GLIS3: variants seen among roughly 807,000 people sequenced by gnomAD.
GLIS3 encodes the protein zinc finger protein GLIS3.
Under a neutral mutation model 78.6 loss-of-function variants are expected in GLIS3, and 53 were observed. That is an observed-to-expected ratio of 0.67 (90% CI 0.54 to 0.85). The LOEUF (loss-of-function observed/expected upper bound fraction) is 0.85, where lower values mean the gene tolerates loss of function less well. Ranked by LOEUF, GLIS3 falls within the 40% of genes least tolerant of loss-of-function variation. The pLI, the probability that GLIS3 is intolerant of heterozygous loss-of-function variation, is 0.00. For synonymous variants in GLIS3, 684 were observed against 509.9 expected (o/e 1.34, Z -4.60); for missense variants, 1,703 against 1,231.1 (o/e 1.38, Z -5.74).
At chr9:4,389,142 G>A in the GLIS3 span, among the ~76,000 whole-genome samples, 2 of 152,172 alleles carry the variant, frequency 1.3e-5, no homozygotes, top group Admixed American at 6.5e-5. Flanking sequence ...TTAACTGACT[G>A]AATCATTAGG....
chr9:3,892,014 T>C (rs1822488433), intron 7 of GLIS3, among the ~76,000 whole-genome samples: 2 of 152,068 alleles, frequency 1.3e-5, no homozygotes, highest in South Asian at 2.1e-4. Context: ...AAAAGGACTT[T>C]CTCTACGTCC....
chr9:3,927,689 A>G (rs1825345764), intron 6 of GLIS3, among the ~76,000 whole-genome samples: 1 of 152,198 alleles, frequency 6.6e-6, no homozygotes, highest in Non-Finnish European at 1.5e-5. Flanking sequence ...GGTCACTTTC[A>G]TTGACAACCT....
intron 3 of GLIS3, 37 bp downstream of exon 3, chr9:4,125,697 A>C (rs1037285824): frequency 2.1e-6 from 3 of 1,455,124 alleles, no homozygotes; most frequent in Non-Finnish European, 1.9e-6. Flanking sequence ...GTGTGTTTAT[A>C]CCATAAAGAA....
At chr9:4,446,859 C>A in the GLIS3 span, among the ~76,000 whole-genome samples, 2 of 151,922 alleles carry the variant, frequency 1.3e-5, no homozygotes, top group East Asian at 3.9e-4. Flanking sequence ...GTGACCTCTG[C>A]TTCCTTCTTT....
At chr9:4,294,412 G>A (rs904244025) in intron 1 of GLIS3, among the ~76,000 whole-genome samples, 1 of 152,214 alleles carries the variant, frequency 6.6e-6, no homozygotes, top group East Asian at 1.9e-4. Context: ...GGGAGGCTGA[G>A]GCAGGAGAAT....
chr9:4,230,420 T>A (rs1822152543), intron 2 of GLIS3, among the ~76,000 whole-genome samples: 1 of 152,146 alleles, frequency 6.6e-6, no homozygotes, highest in Non-Finnish European at 1.5e-5. Context: ...AGCCAAAGAC[T>A]GAGGTAGGGC....
At chr9:3,987,045 G>A (rs962079277) in intron 4 of GLIS3, among the ~76,000 whole-genome samples, 2 of 152,120 alleles carry the variant, frequency 1.3e-5, no homozygotes, top group Non-Finnish European at 2.9e-5. Flanking sequence ...TAAAGCAGCT[G>A]TCATAAAAAT....
chr9:4,256,732 G>A (rs1353566647), intron 2 of GLIS3, among the ~76,000 whole-genome samples: 1 of 152,202 alleles, frequency 6.6e-6, no homozygotes, highest in African/African-American at 2.4e-5. Flanking sequence ...AGGAGAATGA[G>A]TAATTACACA....
At chr9:3,881,200 T>C (rs1423000636) in intron 7 of GLIS3, among the ~76,000 whole-genome samples, 1 of 152,200 alleles carries the variant, frequency 6.6e-6, no homozygotes, top group Admixed American at 6.5e-5. Context: ...AGCATGGAGC[T>C]TGGTGTTTTA....
At chr9:3,886,272 T>G (rs1174298807) in intron 7 of GLIS3, among the ~76,000 whole-genome samples, 2 of 152,080 alleles carry the variant, frequency 1.3e-5, no homozygotes, top group Non-Finnish European at 2.9e-5. Context: ...AAGCTTTTTG[T>G]TGTTCTATTT....
chr9:4,232,510 A>C (rs1822359215), intron 2 of GLIS3, among the ~76,000 whole-genome samples: 1 of 152,138 alleles, frequency 6.6e-6, no homozygotes, highest in African/African-American at 2.4e-5. Context: ...TTTGACTTTC[A>C]GCAATATGAT....
the GLIS3 span, among the ~76,000 whole-genome samples, chr9:4,363,136 A>G: frequency 1.3e-5 from 2 of 152,178 alleles, no homozygotes; most frequent in African/African-American, 4.8e-5. Flanking sequence ...AATTAAGAAT[A>G]AGCTGGCTGG....
the GLIS3 span, among the ~76,000 whole-genome samples, chr9:4,370,102 G>T: frequency 4.6e-5 from 6 of 131,086 alleles, no homozygotes; most frequent in South Asian, 2.6e-4. Context: ...TGAGGCAGGA[G>T]AATCACTTGA....
chr9:4,395,143 A>G, the GLIS3 span, among the ~76,000 whole-genome samples: 1 of 152,206 alleles, frequency 6.6e-6, no homozygotes, highest in Non-Finnish European at 1.5e-5. Context: ...TTTTATGCAG[A>G]CCATGTTCAT....
intron 2 of GLIS3, among the ~76,000 whole-genome samples, chr9:4,239,191 T>C (rs1321298264): frequency 7.4e-6 from 1 of 134,566 alleles, no homozygotes; most frequent in Non-Finnish European, 1.6e-5. Context: ...GGGGGAGGGA[T>C]AGCATTAGGA....
intron 2 of GLIS3, chr9:4,285,402 T>C (rs1016423045): frequency 6.6e-6 from 1 of 152,164 alleles, no homozygotes; most frequent in African/African-American, 2.4e-5. Flanking sequence ...ATACTTCAAA[T>C]TGACCAGGTT....
At chr9:4,243,009 A>G (rs1587116925) in intron 2 of GLIS3, among the ~76,000 whole-genome samples, 1 of 152,186 alleles carries the variant, frequency 6.6e-6, no homozygotes, top group East Asian at 1.9e-4. Flanking sequence ...ATGTACATCA[A>G]TGAGGTTTTA....
At chr9:3,948,991 G>T (rs1280232146) in intron 4 of GLIS3, among the ~76,000 whole-genome samples, 1 of 152,114 alleles carries the variant, frequency 6.6e-6, no homozygotes, top group African/African-American at 2.4e-5. Flanking sequence ...ACATAGAGAG[G>T]TTAAGTGACT....
rs114902621 is a variant in GLIS3 at position 4,321,849 on chromosome 9, T to C, written n.265-11321A>G. On this transcript the variant is annotated intron_variant and non_coding_transcript_variant, in intron 2 of 4. Coordinates refer to the GLIS3 transcript ENST00000471664. ...TCACCCTCCCGAGTAGCTGGGATTA[T>C]AGGTGTACACTACCACACCCGATAA... is the stretch of plus-strand genomic sequence containing the variant. 2.0e-3 allele frequency among the ~76,000 whole-genome samples: 304 copies of C among 152,176 alleles called. 1 individual carries two copies. The highest frequency in any genetic ancestry group is 6.9e-3 in the African/African-American group (286 of 41,510).
Sources: allele counts gnomAD v4.1 joint callset (sites outside exome capture counted in the v4.1 genomes callset), GRCh38; gene constraint gnomAD v4.1.1; transcripts MANE v1.5; gene names NCBI Gene and HGNC (gene_info 2026-07-23, HGNC 2026-07-21).